Variants in COL5A2 observed in about 807,000 individuals in gnomAD.
The protein encoded by COL5A2 is collagen type V alpha 2 chain.
COL5A2 carries 23 observed loss-of-function variants against 208.2 expected under a neutral mutation model. The observed-to-expected ratio is 0.11, with a 90% CI of 0.08 to 0.16. The LOEUF (loss-of-function observed/expected upper bound fraction) is 0.16, where lower values mean the gene tolerates loss of function less well. Ranked by LOEUF, COL5A2 falls within the 10% of genes least tolerant of loss-of-function variation. COL5A2 has a pLI of 1.00. For missense variants in COL5A2, 1,590 were observed against 1,956.4 expected, an observed-to-expected ratio of 0.81 and a Z score of 3.53; for synonymous variants, 625 against 628.5, an observed-to-expected ratio of 0.99 and a Z score of 0.08.
intron 1 of COL5A2, among the ~76,000 whole-genome samples, chr2:189,117,269 T>C (rs187637418): frequency 1.9e-3 from 287 of 152,264 alleles, no homozygotes; most frequent in African/African-American, 6.3e-3. Flanking sequence ...AGATTTTTTT[T>C]CCCACATACC....
At chr2:189,354,984 T>C in the COL5A2 span, among the ~76,000 whole-genome samples, 5 of 152,242 alleles carry the variant, frequency 3.3e-5, no homozygotes, top group Non-Finnish European at 7.3e-5. Context: ...GTTGTATCTT[T>C]GTTCTCATTG....
At chr2:189,338,136 G>A in the COL5A2 span, among the ~76,000 whole-genome samples, 3 of 152,074 alleles carry the variant, frequency 2.0e-5, no homozygotes, top group South Asian at 2.1e-4. Context: ...TATTACAAAC[G>A]TAGCAACTTT....
At chr2:189,287,781 A>G in the COL5A2 span, among the ~76,000 whole-genome samples, 2 of 152,244 alleles carry the variant, frequency 1.3e-5, no homozygotes, top group Admixed American at 6.5e-5. Context: ...TAGTCTGCCT[A>G]GAAAAGATAT....
the COL5A2 span, among the ~76,000 whole-genome samples, chr2:189,309,939 C>T: frequency 6.6e-6 from 1 of 152,076 alleles, no homozygotes; most frequent in Non-Finnish European, 1.5e-5. Context: ...TTACATGGCC[C>T]CATGTTGATG....
chr2:189,205,743 T>C (rs1224606657), intron 1 of COL5A2, among the ~76,000 whole-genome samples: 1 of 152,230 alleles, frequency 6.6e-6, no homozygotes, highest in Non-Finnish European at 1.5e-5. Context: ...TTTCTTGTGA[T>C]TCCTATAGTA....
intron 40 of COL5A2, among the ~76,000 whole-genome samples, chr2:189,052,498 GTTTA>G (rs1189144653): frequency 7.2e-5 from 11 of 152,090 alleles, no homozygotes; most frequent in Admixed American, 7.2e-4. Context: ...CTTTCACATT[GTTTA>G]TTTACTCTTT....
the COL5A2 span, among the ~76,000 whole-genome samples, chr2:189,329,407 A>G: frequency 6.6e-6 from 1 of 152,234 alleles, no homozygotes; most frequent in Non-Finnish European, 1.5e-5. Flanking sequence ...TCTATTGTAC[A>G]GCATGGTGAC....
chr2:189,049,292 T>G, intron 44 of COL5A2, 55 bp downstream of exon 44: 1 of 1,232,858 alleles, frequency 8.1e-7, no homozygotes, highest in Non-Finnish European at 1.2e-6. Context: ...ATGAAAAAAA[T>G]TGTTTCCATG....
In COL5A2 at chr2:189,133,579, C is replaced by T. The variant is rs552384108; in HGVS notation, c.98-23130G>A. On this transcript the variant is annotated intron_variant, in intron 1 of 53. Coordinates refer to ENST00000374866, the MANE Select transcript of COL5A2 (RefSeq NM_000393.5). ...TGAAGTCTTTTCCTTTGTTGAGCTG[C>T]GAAATGGAAAAAGGAAGACTGAATC... is the stretch of plus-strand genomic sequence containing the variant. Among the ~76,000 whole-genome samples, 4 of 152,020 alleles carry T rather than the reference C, an allele frequency of 2.6e-5. No homozygotes were observed. The East Asian group carries it at 5.8e-4, about 22-fold the overall frequency.
rs1576533338 is a variant in COL5A2 at position 189,110,074 on chromosome 2, A to G, written c.322+151T>C. ...CTTCTATCTAACTTTAGATGAAGTG[A>G]GTGAGCAAAATCATTAATCATTAAC... On this transcript the variant is annotated intron_variant, in intron 2 of 53. Coordinates refer to ENST00000374866, the MANE Select transcript of COL5A2 (RefSeq NM_000393.5). 4 of 677,198 alleles carry G rather than the reference A, an allele frequency of 5.9e-6. No individual in the cohort carries two copies. In the East Asian group the frequency reaches 8.1e-5, roughly 14 times the overall value. 41.9% of individuals were successfully genotyped at this position (677,198 alleles called of 1,614,324 possible). A position where few individuals can be genotyped will look rare whatever the true frequency, so the allele number is the denominator to read the frequency against.
In COL5A2 at chr2:189,052,972, C is replaced by G. The variant is rs754264473; in HGVS notation, c.2600G>C (p.Gly867Ala). 1.2e-6 allele frequency: 2 copies of G among 1,614,044 alleles called. No homozygotes were observed. Among genetic ancestry groups the G allele is most frequent in the Non-Finnish European group, 1.7e-6 (2 of 1,180,030 alleles). The change falls in exon 39 of 54, where the codon GGA becomes GCA. Residue 867 changes from glycine to alanine, a missense_variant. Coordinates refer to ENST00000374866, the MANE Select transcript of COL5A2 (RefSeq NM_000393.5). Reference protein sequence around the residue: ...PGVKGEPGEPGQKGDAGSPGP... With the variant: ...PGVKGEPGEPAQKGDAGSPGP... ...AGGAGAACCAGCATCTCCCTTCTGT[C>G]CTGGCTCTCCAGGTTCACCTTTTAC...
chr2:189,402,797 G>GTATAA, the COL5A2 span, among the ~76,000 whole-genome samples: 1 of 151,928 alleles, frequency 6.6e-6, no homozygotes, highest in Non-Finnish European at 1.5e-5. Flanking sequence ...CTATAGTATA[G>GTATAA]TATAGTATAG....
At chr2:189,124,861 C>G (rs1687578161) in intron 1 of COL5A2, among the ~76,000 whole-genome samples, 1 of 151,238 alleles carries the variant, frequency 6.6e-6, no homozygotes, top group South Asian at 2.1e-4. Flanking sequence ...ATTCAACTGG[C>G]AATAAGGATT....
chr2:189,063,697 T>C lies in COL5A2; in HGVS notation c.1770+283A>G, dbSNP rs567014440. ...GATATAAAAATGAGAACATTGCTAA[T>C]AGACAAATTTCACCAACATTAAAAA... On this transcript the variant is annotated intron_variant, in intron 26 of 53. Coordinates refer to ENST00000374866, the MANE Select transcript of COL5A2 (RefSeq NM_000393.5). Among the ~76,000 whole-genome samples, 4 of 152,284 alleles carry C rather than the reference T, an allele frequency of 2.6e-5. No individual in the cohort carries two copies. In the South Asian group the frequency reaches 6.2e-4, roughly 24 times the overall value.
chr2:189,262,218 A>C, the COL5A2 span, among the ~76,000 whole-genome samples: 1 of 152,154 alleles, frequency 6.6e-6, no homozygotes, highest in Admixed American at 6.6e-5. Context: ...GTTGAAAAGA[A>C]AAATATTAGC....
intron 1 of COL5A2, among the ~76,000 whole-genome samples, chr2:189,138,151 T>C (rs1687861578): frequency 6.6e-6 from 1 of 151,988 alleles, no homozygotes; most frequent in Admixed American, 6.6e-5. Flanking sequence ...ATTTTTGTAT[T>C]TTTTAGTAGA....
At chr2:189,423,023 CAAAAAA>C in the COL5A2 span, among the ~76,000 whole-genome samples, 1 of 112,850 alleles carries the variant, frequency 8.9e-6, no homozygotes, top group Non-Finnish European at 1.9e-5. Context: ...AACTCTGTCT[CAAAAAA>C]AAAAAAAAAA....
the COL5A2 span, among the ~76,000 whole-genome samples, chr2:189,440,533 GT>G: frequency 6.6e-6 from 1 of 152,212 alleles, no homozygotes; most frequent in Non-Finnish European, 1.5e-5. Context: ...GAATCACCAT[GT>G]TATATGCATT....
the COL5A2 span, among the ~76,000 whole-genome samples, chr2:189,403,032 C>T: frequency 1.3e-5 from 2 of 152,180 alleles, no homozygotes; most frequent in Non-Finnish European, 2.9e-5. Context: ...CTGATTCTTC[C>T]TATCCATGAG....
Sources: gnomAD v4.1 joint callset for allele counts (sites outside exome capture counted in the v4.1 genomes callset) on GRCh38, gnomAD v4.1.1 for gene constraint, MANE v1.5 for transcripts, NCBI Gene and HGNC (gene_info 2026-07-23, HGNC 2026-07-21) for gene names.